Variants in UFSP2 observed in about 807,000 individuals in gnomAD.
UFSP2 encodes the protein UFM1 specific peptidase 2.
UFSP2 carries 43 observed loss-of-function variants against 60.2 expected under a neutral mutation model. The observed-to-expected ratio is 0.71, with a 90% CI of 0.56 to 0.92. The LOEUF (loss-of-function observed/expected upper bound fraction) is 0.92. Among genes scored for constraint, UFSP2 ranks in the 40% least tolerant of loss-of-function variants. The pLI, the probability that UFSP2 is intolerant of heterozygous loss-of-function variation, is 0.00. For missense variants in UFSP2, 520 were observed against 575.0 expected, an observed-to-expected ratio of 0.90 and a Z score of 0.98; for synonymous variants, 183 against 195.1, an observed-to-expected ratio of 0.94 and a Z score of 0.52.
At chr4:185,402,542 C>G (rs907404737) in intron 11 of UFSP2, among the ~76,000 whole-genome samples, 4 of 152,180 alleles carry the variant, frequency 2.6e-5, no homozygotes, top group African/African-American at 9.6e-5. Flanking sequence ...ATGGCGCCAT[C>G]TCAGCTCACT....
Position 185,418,753 on chromosome 4 carries a change from C to T in UFSP2, c.100G>A (p.Ala34Thr), listed in dbSNP as rs1348146918. 6.3e-7 allele frequency: 1 copy of T among 1,583,980 alleles called. No homozygotes were observed. Among genetic ancestry groups the T allele is most frequent in the Admixed American group, 2.0e-5 (1 of 50,098 alleles). ...ATPNEIFLKK[A>T]LKHVLSDLST... ...AGGTCACTCAACACATGTTTCAGTG[C>T]CTTCTTGAGAAAAATTTCTAAATTA... Residue 34 changes from alanine (A) to threonine (T), a missense_variant, in exon 3 of 12, where the codon GCA becomes ACA. By Grantham distance (58) the Ala-to-Thr change is moderately conservative. Coordinates refer to ENST00000264689, the MANE Select transcript of UFSP2 (RefSeq NM_018359.5).
intron 10 of UFSP2, among the ~76,000 whole-genome samples, chr4:185,405,399 ATCT>A (rs1249967493): frequency 6.6e-6 from 1 of 152,180 alleles, no homozygotes; most frequent in Non-Finnish European, 1.5e-5. Flanking sequence ...AGCTAATCCA[ATCT>A]TCTTATTTTA....
intron 11 of UFSP2, chr4:185,402,400 C>A: frequency 2.3e-6 from 1 of 439,840 alleles, no homozygotes; most frequent in South Asian, 1.6e-5. Flanking sequence ...ACATTTCTAT[C>A]CTATTAGTGT....
At chr4:185,409,574 T>C (rs1008357730) in intron 7 of UFSP2, among the ~76,000 whole-genome samples, 35 of 152,158 alleles carry the variant, frequency 2.3e-4, no homozygotes, top group African/African-American at 8.2e-4. Context: ...TTAGAGAATA[T>C]ATATTCTGCC....
At position 185,408,030 on chromosome 4, in the gene UFSP2, T is replaced by C. The variant is rs368815258; in HGVS notation, c.1027A>G (p.Thr343Ala). ...ATCCATTGCCGCGATCCGACAAATG[T>C]TGCTGGTTTGTCCCCGGCATCGACT... The part of the protein sequence containing the change: ...ALVDAGDKPA[T>A]FVGSRQWIGS... The change falls in exon 9 of 12, where the codon ACA (threonine) becomes GCA (alanine). Residue 343 changes from threonine (T) to alanine (A), a missense_variant. Thr to Ala is a moderately conservative substitution (Grantham distance 58, BLOSUM62 0). Coordinates refer to ENST00000264689, the MANE Select transcript of UFSP2 (RefSeq NM_018359.5). 34 of 1,613,804 alleles carry C rather than the reference T, an allele frequency of 2.1e-5. No individual in the cohort carries two copies. In the African/African-American group the frequency reaches 3.3e-4, roughly 16 times the overall value.
intron 10 of UFSP2, 146 bp from the exon 11 acceptor site, chr4:185,403,764 G>C (rs1399883977): frequency 3.2e-6 from 3 of 937,588 alleles, no homozygotes; most frequent in Non-Finnish European, 4.6e-6. Flanking sequence ...CACGAGGTCA[G>C]GAGATGGAGA....
chr4:185,399,833 T>C lies in UFSP2; in HGVS notation c.*559A>G. On this transcript the variant is annotated 3_prime_UTR_variant, in exon 12 of 12. Transcript: ENST00000264689. ...GCAGTGATCTCTTGTTTGCATAGCA[T>C]TTATTATTCCATTTAATACTGACAC... The C allele has an allele frequency of 6.2e-7, 1 of 1,602,944 alleles. No individual in the cohort carries two copies. The highest frequency in any genetic ancestry group is 1.1e-5 in the South Asian group (1 of 89,742).
intron 2 of UFSP2, 76 bp from the exon 3 acceptor site, chr4:185,418,846 G>T: frequency 8.6e-7 from 1 of 1,156,742 alleles, no homozygotes; most frequent in Non-Finnish European, 1.2e-6. Flanking sequence ...ATACACAAAA[G>T]TAGAGCATAG....
At chr4:185,425,840 G>C (rs754270849) in intron 1 of UFSP2, 26 bp downstream of exon 1, 17 of 1,601,434 alleles carry the variant, frequency 1.1e-5, no homozygotes, top group Non-Finnish European at 1.4e-5. Context: ...AAAACACAGG[G>C]GTCGGTGACG....
At chr4:185,409,312 T>C (rs2095525340) in intron 7 of UFSP2, among the ~76,000 whole-genome samples, 1 of 152,198 alleles carries the variant, frequency 6.6e-6, no homozygotes, top group Non-Finnish European at 1.5e-5. Context: ...TTCTTACTTA[T>C]AGTGCTAAGA....
At chr4:185,416,081 C>A in intron 4 of UFSP2, 1 of 380,732 alleles carries the variant, frequency 2.6e-6, no homozygotes, top group Non-Finnish European at 4.6e-6. Context: ...TACCCTCAGA[C>A]CAGCCAGTAG....
intron 6 of UFSP2, among the ~76,000 whole-genome samples, chr4:185,414,504 C>T (rs995927216): frequency 1.3e-5 from 2 of 152,154 alleles, no homozygotes; most frequent in Admixed American, 1.3e-4. Context: ...GTAGCTATTG[C>T]TTCTACAAAC....
rs926975822 is a variant in UFSP2 at position 185,400,337 on chromosome 4, C to A, written c.*55G>T. 25 of 1,364,306 alleles carry A rather than the reference C, an allele frequency of 1.8e-5. No homozygotes were observed. Among genetic ancestry groups the A allele is most frequent in the African/African-American group, 1.5e-5 (1 of 68,378 alleles). The allele number at this position is 1,364,306 out of a possible 1,614,324, so 84.5% of individuals were successfully genotyped here. A position where few individuals can be genotyped will look rare whatever the true frequency, so the allele number is the denominator to read the frequency against. On this transcript the variant is annotated 3_prime_UTR_variant, in exon 12 of 12. Coordinates refer to ENST00000264689, the MANE Select transcript of UFSP2 (RefSeq NM_018359.5). ...TTTAATGTGAAAAATTAAACTGATT[C>A]TTTATTCACAAATTTATAATACCAC...
intron 10 of UFSP2, among the ~76,000 whole-genome samples, chr4:185,404,615 T>C (rs144857211): frequency 0.017 from 2,418 of 141,750 alleles, 56 homozygotes; most frequent in African/African-American, 0.062. Flanking sequence ...TGAGACAGAG[T>C]CTTGCTCTGC....
At chr4:185,409,465 C>T (rs2095525579) in intron 7 of UFSP2, among the ~76,000 whole-genome samples, 1 of 152,094 alleles carries the variant, frequency 6.6e-6, no homozygotes, top group African/African-American at 2.4e-5. Flanking sequence ...GCTGGGATTA[C>T]AGTTGCACAC....
intron 2 of UFSP2, 71 bp from the exon 3 acceptor site, chr4:185,418,841 CA>C: frequency 8.2e-7 from 1 of 1,220,486 alleles, no homozygotes; most frequent in Non-Finnish European, 1.1e-6. Context: ...CAAACATACA[CA>C]AAAGTAGAGC....
chr4:185,416,884 G>A (rs1156976548), intron 4 of UFSP2, among the ~76,000 whole-genome samples: 1 of 152,122 alleles, frequency 6.6e-6, no homozygotes, highest in Non-Finnish European at 1.5e-5. Context: ...AAAAGGAAAT[G>A]ACAGATTTAG....
intron 2 of UFSP2, among the ~76,000 whole-genome samples, chr4:185,420,377 A>G (rs1208941563): frequency 1.3e-5 from 2 of 152,208 alleles, no homozygotes; most frequent in Non-Finnish European, 2.9e-5. Flanking sequence ...AAAACAATAT[A>G]AGAAGATATA....
chr4:185,404,067 T>C (rs2095516900), intron 10 of UFSP2, among the ~76,000 whole-genome samples: 1 of 151,434 alleles, frequency 6.6e-6, no homozygotes, highest in Non-Finnish European at 1.5e-5. Flanking sequence ...CAATGTCAGA[T>C]ATACTCTGAA....
Sources: allele counts gnomAD v4.1 joint callset (sites outside exome capture counted in the v4.1 genomes callset), GRCh38; gene constraint gnomAD v4.1.1; transcripts MANE v1.5; gene names NCBI Gene and HGNC (gene_info 2026-07-23, HGNC 2026-07-21).